Variants in ARSB observed in about 807,000 individuals in gnomAD.
ARSB encodes arylsulfatase B, also known as N-acetylgalactosamine-4-sulfatase.
In ARSB, 41 loss-of-function variants were observed where a neutral mutation model predicts 50.9. The ratio of observed to expected loss-of-function variants is 0.81; its 90% CI spans 0.63 to 1.04. ARSB has a LOEUF of 1.04. Among genes scored for constraint, ARSB ranks in the 50% least tolerant of loss-of-function variants. The pLI is 0.00. For synonymous variants in ARSB, 269 were observed against 284.8 expected (o/e 0.94, Z 0.56); for missense variants, 672 against 693.3 (o/e 0.97, Z 0.35).
chr5:78,784,157 T>C (rs1328091885), intron 6 of ARSB, among the ~76,000 whole-genome samples: 1 of 152,230 alleles, frequency 6.6e-6, no homozygotes, highest in South Asian at 2.1e-4. Context: ...AGAATACATA[T>C]GTGCCAAGGG....
In ARSB at chr5:78,905,344, G is replaced by GTTTTTT. The variant is rs60622885; in HGVS notation, c.899-19523_899-19518dup. Among the ~76,000 whole-genome samples the GTTTTTT allele has an allele frequency of 1.3e-3, 164 of 130,544 alleles. 7 individuals carry two copies. Among genetic ancestry groups the GTTTTTT allele is most frequent in the Middle Eastern group, 4.1e-3 (1 of 246 alleles). The allele number at this position is 130,544 out of a possible 152,430, so 85.6% of individuals were successfully genotyped here. Reference sequence around the variant, plus strand: ...CCTTGAGTACTGCTCGTATTTTCCTGTTTTTTTTTTTTTGTATAATGAGTA... The same window carrying GTTTTTT: ...CCTTGAGTACTGCTCGTATTTTCCTGTTTTTTTTTTTTTTTTTTTGTATAATGAGTA... On this transcript the variant is annotated intron_variant, in intron 4 of 7. Coordinates refer to ENST00000264914, the MANE Select transcript of ARSB (RefSeq NM_000046.5).
At chr5:78,817,158 T>C in intron 6 of ARSB, 2 of 976,118 alleles carry the variant, frequency 2.0e-6, no homozygotes, top group Non-Finnish European at 1.2e-6. Flanking sequence ...GAATGATCAT[T>C]AGTAGGCACA....
At chr5:78,849,371 G>C (rs1010944128) in intron 5 of ARSB, among the ~76,000 whole-genome samples, 3 of 152,130 alleles carry the variant, frequency 2.0e-5, no homozygotes. Context: ...AGATCAGATA[G>C]TTGTAGGTAA....
chr5:78,932,004 G>A (rs1750346634), intron 4 of ARSB, among the ~76,000 whole-genome samples: 1 of 152,142 alleles, frequency 6.6e-6, no homozygotes, highest in Non-Finnish European at 1.5e-5. Flanking sequence ...CCAGCCATGT[G>A]GAACTGGCTC....
chr5:78,860,717 C>G (rs1284667475), intron 5 of ARSB, among the ~76,000 whole-genome samples: 2 of 152,046 alleles, frequency 1.3e-5, no homozygotes, highest in African/African-American at 2.4e-5. Context: ...GAAGCAAGAG[C>G]AAACACATTC....
intron 4 of ARSB, among the ~76,000 whole-genome samples, chr5:78,903,158 A>G (rs903603996): frequency 3.3e-5 from 5 of 152,312 alleles, no homozygotes; most frequent in Non-Finnish European, 5.9e-5. Flanking sequence ...AGGGGGAATA[A>G]GCAGTGGGAG....
intron 5 of ARSB, among the ~76,000 whole-genome samples, chr5:78,877,000 C>G (rs964729461): frequency 1.3e-5 from 2 of 152,116 alleles, no homozygotes; most frequent in Admixed American, 1.3e-4. Flanking sequence ...CCCGACCAAC[C>G]CTGGTCGGTG....
intron 6 of ARSB, among the ~76,000 whole-genome samples, chr5:78,839,077 C>A (rs1384016223): frequency 1.3e-5 from 2 of 152,176 alleles, no homozygotes; most frequent in Non-Finnish European, 2.9e-5. Context: ...ATGAGTTCTT[C>A]TTTTGTAAAT....
rs572492556 is a variant in ARSB, at chr5:78,868,041, C to T, written c.1142+17543G>A. On this transcript the variant is annotated intron_variant, in intron 5 of 7. Coordinates refer to ENST00000264914, the MANE Select transcript of ARSB (RefSeq NM_000046.5). ...CAGAAGCCTCAGGAGCCGATGCGAT[C>T]AACTGGAAGAAAGGGTATCAGCAAT... Among the ~76,000 whole-genome samples the T allele has an allele frequency of 2.9e-5, 4 of 136,998 alleles. No homozygotes were observed. The East Asian group carries it at 8.1e-4, about 28-fold the overall frequency. 89.9% of individuals were successfully genotyped at this position (136,998 alleles called of 152,430 possible). A position where few individuals can be genotyped will look rare whatever the true frequency, so the allele number is the denominator to read the frequency against.
At chr5:78,913,494 T>C (rs975333261) in intron 4 of ARSB, among the ~76,000 whole-genome samples, 8 of 152,264 alleles carry the variant, frequency 5.3e-5, no homozygotes, top group African/African-American at 1.9e-4. Flanking sequence ...GTAGACTTTC[T>C]ATTTTTCCTA....
chr5:78,927,572 C>T (rs951565727), intron 4 of ARSB, among the ~76,000 whole-genome samples: 36 of 152,298 alleles, frequency 2.4e-4, no homozygotes, highest in African/African-American at 8.2e-4. Context: ...GTCAATCCAA[C>T]ACACACCGGA....
At chr5:78,818,991 G>A (rs576777614) in intron 6 of ARSB, among the ~76,000 whole-genome samples, 1 of 152,270 alleles carries the variant, frequency 6.6e-6, no homozygotes, top group South Asian at 2.1e-4. Context: ...ACACTTCCCT[G>A]GGGCCTGCAC....
rs141042119 is a variant in ARSB at position 78,828,857 on chromosome 5, A to G, written c.1213+10499T>C. ...TAAGATTGCTAATCAGCTGACTTTC[A>G]AATAGGGAGGTGATTCTAGATTATT... On this transcript the variant is annotated intron_variant, in intron 6 of 7. Transcript: ENST00000264914. Among the ~76,000 whole-genome samples the G allele has an allele frequency of 5.3e-5, 8 of 152,322 alleles. No individual in the cohort carries two copies. The East Asian group carries it at 1.5e-3, about 29-fold the overall frequency.
At chr5:78,831,057 A>G (rs1421804030) in intron 6 of ARSB, among the ~76,000 whole-genome samples, 1 of 152,174 alleles carries the variant, frequency 6.6e-6, no homozygotes, top group Non-Finnish European at 1.5e-5. Flanking sequence ...TTAAAACTAG[A>G]GAAATACATA....
chr5:78,866,177 G>A (rs1319198537), intron 5 of ARSB, among the ~76,000 whole-genome samples: 1 of 152,166 alleles, frequency 6.6e-6, no homozygotes, highest in Non-Finnish European at 1.5e-5. Context: ...ATTTACCAAA[G>A]AAAGAGGTTT....
At chr5:78,875,144 T>TAA (rs1248071319) in intron 5 of ARSB, among the ~76,000 whole-genome samples, 7 of 151,772 alleles carry the variant, frequency 4.6e-5, no homozygotes, top group Admixed American at 4.6e-4. Flanking sequence ...ATTGAAATAA[T>TAA]ACAAAGCATT....
intron 6 of ARSB, among the ~76,000 whole-genome samples, chr5:78,802,375 A>G (rs1413771886): frequency 6.6e-6 from 1 of 152,028 alleles, no homozygotes; most frequent in Admixed American, 6.5e-5. Flanking sequence ...AGAAAAGTAT[A>G]TGATCCAAAA....
chr5:78,841,701 A>T (rs111916169), intron 5 of ARSB, among the ~76,000 whole-genome samples: 3,784 of 152,290 alleles, frequency 0.025, 113 homozygotes, highest in South Asian at 0.11. Context: ...CTCTTCATTC[A>T]TGTCATTTTT....
intron 4 of ARSB, among the ~76,000 whole-genome samples, chr5:78,897,321 A>G (rs1392757693): frequency 2.0e-5 from 3 of 152,302 alleles, no homozygotes; most frequent in Non-Finnish European, 4.4e-5. Context: ...ACTAACTATC[A>G]GTAACACTCA....
Sources: allele counts gnomAD v4.1 joint callset (sites outside exome capture counted in the v4.1 genomes callset), GRCh38; gene constraint gnomAD v4.1.1; transcripts MANE v1.5; gene names NCBI Gene and HGNC (gene_info 2026-07-23, HGNC 2026-07-21).